The following KALRN variants were observed in gnomAD, a reference collection of about 807,000 sequenced individuals.
KALRN encodes kalirin.
Under a neutral mutation model 353.7 loss-of-function variants are expected in KALRN, and 70 were observed. The observed-to-expected ratio is 0.20, with a 90% confidence interval of 0.16 to 0.24. KALRN has a LOEUF of 0.24. Among genes scored for constraint, KALRN ranks in the 10% least tolerant of loss-of-function variants. The probability of loss-of-function intolerance (pLI) is 1.00; values close to 1 mark genes in which losing one functional copy is unlikely to be tolerated. For synonymous variants in KALRN, 1,391 were observed against 1,434.8 expected (o/e 0.97, Z 0.69); for missense variants, 2,791 against 3,756.7 (o/e 0.74, Z 6.72).
At chr3:124,361,904 G>T (rs914052856) in intron 10 of KALRN, among the ~76,000 whole-genome samples, 1 of 152,032 alleles carries the variant, frequency 6.6e-6, no homozygotes, top group Non-Finnish European at 1.5e-5. Context: ...AGTAACATTT[G>T]TAGCCTCTTT....
chr3:124,484,511 G>A (rs1480623891), intron 28 of KALRN, among the ~76,000 whole-genome samples: 3 of 152,202 alleles, frequency 2.0e-5, no homozygotes, highest in Non-Finnish European at 4.4e-5. Flanking sequence ...AAAAGAGTGT[G>A]CAGCCACCCC....
intron 1 of KALRN, among the ~76,000 whole-genome samples, chr3:124,044,937 A>C (rs200822023): frequency 1.6e-4 from 14 of 85,882 alleles, no homozygotes; most frequent in Non-Finnish European, 3.1e-4. Context: ...CCTTCTCTTC[A>C]TTCATTTGGT....
At chr3:124,356,846 T>C (rs941754222) in intron 10 of KALRN, among the ~76,000 whole-genome samples, 1 of 152,172 alleles carries the variant, frequency 6.6e-6, no homozygotes, top group African/African-American at 2.4e-5. Flanking sequence ...CCCTGAACAA[T>C]TTAGACTCTC....
chr3:124,062,961 A>G (rs2042088026), intron 1 of KALRN, among the ~76,000 whole-genome samples: 2 of 152,198 alleles, frequency 1.3e-5, no homozygotes, highest in African/African-American at 4.8e-5. Flanking sequence ...AAGTGTAAGA[A>G]CACATGTCTG....
In KALRN at chr3:124,368,560, C is replaced by T. The variant is rs573553406; in HGVS notation, c.1771-16285C>T. Among the ~76,000 whole-genome samples the T allele has an allele frequency of 4.6e-3, 679 of 148,310 alleles. 6 individuals carry two copies. The highest frequency in any genetic ancestry group is 7.0e-3 in the Non-Finnish European group (470 of 66,924). On this transcript the variant is annotated intron_variant, in intron 10 of 59. Transcript: ENST00000682506. ...AGATGGGATGGCGGCCGGGCGGAGA[C>T]GCTCCTCACTTTCCAGACTGGGCAG...
At chr3:124,144,465 T>G (rs1338189842) in intron 1 of KALRN, among the ~76,000 whole-genome samples, 1 of 151,918 alleles carries the variant, frequency 6.6e-6, no homozygotes, top group African/African-American at 2.4e-5. Flanking sequence ...GCACACCACT[T>G]CCTTGTCATT....
chr3:124,500,679 A>G (rs898295272), intron 33 of KALRN, among the ~76,000 whole-genome samples: 1 of 152,214 alleles, frequency 6.6e-6, no homozygotes, highest in Non-Finnish European at 1.5e-5. Context: ...GGATCTGTAT[A>G]GCTTCTACCT....
chr3:124,195,680 C>T (rs141921275), intron 1 of KALRN, among the ~76,000 whole-genome samples: 1 of 152,278 alleles, frequency 6.6e-6, no homozygotes, highest in Non-Finnish European at 1.5e-5. Context: ...TCTTTGCTTC[C>T]ACTCTCATCT....
chr3:124,301,265 C>G (rs567417120), intron 6 of KALRN, among the ~76,000 whole-genome samples: 1 of 152,336 alleles, frequency 6.6e-6, no homozygotes, highest in African/African-American at 2.4e-5. Flanking sequence ...CATCAAAAAC[C>G]TTTCTTCAGA....
At chr3:124,413,427 T>C (rs113706413) in intron 13 of KALRN, 43 bp from the exon 14 acceptor site, 2 of 1,541,730 alleles carry the variant, frequency 1.3e-6, no homozygotes, top group Non-Finnish European at 1.8e-6. Context: ...CAATCTCTCG[T>C]GGACCTGGTG....
chr3:124,174,417 G>C (rs946676679), intron 1 of KALRN, among the ~76,000 whole-genome samples: 2 of 152,164 alleles, frequency 1.3e-5, no homozygotes, highest in Non-Finnish European at 1.5e-5. Context: ...CTGGGCGACA[G>C]AGCAAGACTC....
At chr3:124,369,058 GGGGAGA>G (rs150087010) in intron 10 of KALRN, among the ~76,000 whole-genome samples, 30,937 of 151,760 alleles carry the variant, frequency 0.2, 3,438 homozygotes, top group African/African-American at 0.3. Flanking sequence ...GGGAGACCGT[GGGGAGA>G]GGGAGAGGGA....
At chr3:124,218,265 T>A (rs2150577909) in intron 1 of KALRN, among the ~76,000 whole-genome samples, 1 of 152,286 alleles carries the variant, frequency 6.6e-6, no homozygotes, top group South Asian at 2.1e-4. Flanking sequence ...CTTTATGCCC[T>A]GATTAAATTA....
chr3:124,206,347 G>A (rs570423183), intron 1 of KALRN, among the ~76,000 whole-genome samples: 1 of 152,268 alleles, frequency 6.6e-6, no homozygotes, highest in Non-Finnish European at 1.5e-5. Flanking sequence ...ATGATTTTAT[G>A]AGCCAGTCCT....
At chr3:124,705,354 T>G (rs977764341) in intron 57 of KALRN, among the ~76,000 whole-genome samples, 1 of 152,172 alleles carries the variant, frequency 6.6e-6, no homozygotes, top group Non-Finnish European at 1.5e-5. Context: ...AATAAAGTAT[T>G]ATTTTCACAG....
chr3:124,318,166 C>T lies in KALRN; in HGVS notation c.1093-7814C>T, dbSNP rs149150707. Reference sequence around the variant, plus strand: ...CAAGCCAGGCCAGAGGGACAGGACTCGTGAGCCAATGTTATCTTTGCTGGG... The same window carrying T: ...CAAGCCAGGCCAGAGGGACAGGACTTGTGAGCCAATGTTATCTTTGCTGGG... On this transcript the variant is annotated intron_variant, in intron 6 of 59. Transcript: ENST00000682506. 1.9e-3 allele frequency among the ~76,000 whole-genome samples: 282 copies of T among 152,296 alleles called. 1 individual carries two copies. Among genetic ancestry groups the T allele is most frequent in the Middle Eastern group, 3.4e-3 (1 of 294 alleles).
chr3:124,238,330 C>T (rs542401100), intron 3 of KALRN, among the ~76,000 whole-genome samples: 50 of 152,136 alleles, frequency 3.3e-4, no homozygotes, highest in Non-Finnish European at 6.6e-4. Flanking sequence ...AACGGGTGGA[C>T]GTTAGAATCA....
At chr3:124,271,692 G>A (rs993934220) in intron 5 of KALRN, among the ~76,000 whole-genome samples, 1 of 152,102 alleles carries the variant, frequency 6.6e-6, no homozygotes, top group Non-Finnish European at 1.5e-5. Context: ...CTTGCCTTCT[G>A]CTACCACTGA....
At chr3:124,243,815 T>C (rs566674006) in intron 3 of KALRN, among the ~76,000 whole-genome samples, 58 of 152,310 alleles carry the variant, frequency 3.8e-4, no homozygotes, top group Middle Eastern at 6.8e-3. Context: ...TTCTGTGAGA[T>C]AACACATGTA....
Sources: allele counts gnomAD v4.1 joint callset (sites outside exome capture counted in the v4.1 genomes callset), GRCh38; gene constraint gnomAD v4.1.1; transcripts MANE v1.5; gene names NCBI Gene and HGNC (gene_info 2026-07-23, HGNC 2026-07-21).